CSMD1: variants seen among roughly 807,000 people sequenced by gnomAD.
The protein encoded by CSMD1 is CUB and sushi domain-containing protein 1.
In CSMD1, 213 loss-of-function variants were observed where a neutral mutation model predicts 417.5. The observed-to-expected ratio is 0.51, with a 90% CI of 0.46 to 0.57. The LOEUF (loss-of-function observed/expected upper bound fraction) is 0.57, where lower values mean the gene tolerates loss of function less well. Among genes scored for constraint, CSMD1 ranks in the 20% least tolerant of loss-of-function variants. The probability of loss-of-function intolerance (pLI) is 0.00; values close to 1 mark genes in which losing one functional copy is unlikely to be tolerated. For missense variants in CSMD1, 6,923 were observed against 4,529.7 expected, an observed-to-expected ratio of 1.53 and a Z score of -15.17; for synonymous variants, 2,862 against 1,736.8, an observed-to-expected ratio of 1.65 and a Z score of -16.11.
At chr8:3,276,385 A>G (rs1480723211) in intron 26 of CSMD1, among the ~76,000 whole-genome samples, 1 of 152,188 alleles carries the variant, frequency 6.6e-6, no homozygotes, top group East Asian at 1.9e-4. Context: ...GGAGCTGTAG[A>G]CCGGAGCTGT....
chr8:4,750,604 G>T (rs1029439719), intron 1 of CSMD1, among the ~76,000 whole-genome samples: 1 of 152,016 alleles, frequency 6.6e-6, no homozygotes. Context: ...TCGTGATCCA[G>T]CAATGAGACT....
At chr8:4,630,611 T>G (rs979716708) in intron 2 of CSMD1, among the ~76,000 whole-genome samples, 6 of 152,192 alleles carry the variant, frequency 3.9e-5, no homozygotes, top group Non-Finnish European at 8.8e-5. Flanking sequence ...TACATTTTAT[T>G]TCATCATCCT....
intron 12 of CSMD1, among the ~76,000 whole-genome samples, chr8:3,468,105 T>C (rs991856453): frequency 6.6e-6 from 1 of 152,144 alleles, no homozygotes; most frequent in Non-Finnish European, 1.5e-5. Context: ...CAATCAGAAA[T>C]ACTGAAATAA....
At chr8:4,837,889 A>T (rs74920948) in intron 1 of CSMD1, among the ~76,000 whole-genome samples, 8,419 of 152,070 alleles carry the variant, frequency 0.055, 266 homozygotes, top group African/African-American at 0.075. Flanking sequence ...ACCTAACGTG[A>T]ACCCCAAAAT....
intron 40 of CSMD1, among the ~76,000 whole-genome samples, chr8:3,143,944 T>C (rs1035692498): frequency 9.9e-5 from 15 of 151,984 alleles, no homozygotes; most frequent in East Asian, 1.9e-4. Flanking sequence ...AAGTGAAAAA[T>C]TGTAGGGAGG....
intron 7 of CSMD1, among the ~76,000 whole-genome samples, chr8:3,649,503 T>C (rs12548605): frequency 0.14 from 21,506 of 152,138 alleles, 1,682 homozygotes; most frequent in Middle Eastern, 0.2. Flanking sequence ...TTTACAATCA[T>C]GGTGGAAAGC....
intron 5 of CSMD1, among the ~76,000 whole-genome samples, chr8:3,898,136 C>G (rs1235246235): frequency 6.6e-6 from 1 of 152,138 alleles, no homozygotes; most frequent in Non-Finnish European, 1.5e-5. Flanking sequence ...TTTCTACCAG[C>G]TGAGTCAAAG....
intron 1 of CSMD1, among the ~76,000 whole-genome samples, chr8:4,819,163 T>A (rs1799377236): frequency 6.6e-6 from 1 of 152,146 alleles, no homozygotes; most frequent in African/African-American, 2.4e-5. Flanking sequence ...CTGGTGTCCT[T>A]CCACTCTCAA....
At chr8:3,090,271 C>G (rs1387925279) in intron 48 of CSMD1, among the ~76,000 whole-genome samples, 1 of 141,204 alleles carries the variant, frequency 7.1e-6, no homozygotes, top group East Asian at 2.2e-4. Flanking sequence ...GAGCCGAGAT[C>G]GCACCACTGC....
intron 1 of CSMD1, among the ~76,000 whole-genome samples, chr8:4,656,079 G>C (rs574583946): frequency 3.3e-5 from 5 of 152,066 alleles, no homozygotes; most frequent in Non-Finnish European, 7.3e-5. Flanking sequence ...CACAGTAATG[G>C]GAAAGACAAT....
chr8:3,124,208 T>C (rs544275502), intron 41 of CSMD1, among the ~76,000 whole-genome samples: 1 of 152,168 alleles, frequency 6.6e-6, no homozygotes, highest in Non-Finnish European at 1.5e-5. Context: ...ATTTATTGAG[T>C]GAAATAAAGA....
chr8:2,989,044 T>C (rs916252205), intron 54 of CSMD1, among the ~76,000 whole-genome samples: 2 of 152,146 alleles, frequency 1.3e-5, no homozygotes, highest in South Asian at 2.1e-4. Flanking sequence ...TCTTAGGAAG[T>C]AGTTAGGAAA....
Position 3,348,007 on chromosome 8 carries a change from T to C in CSMD1, c.3459A>G (p.Glu1153=). 1 of 1,598,682 alleles carries C rather than the reference T, an allele frequency of 6.3e-7. No homozygotes were observed. Among genetic ancestry groups the C allele is most frequent in the Non-Finnish European group, 8.5e-7 (1 of 1,172,590 alleles). ...TTCTTTTTACCTTTAGAGTATCTCCTTCAAACAGCTGGAAGCTTCGTGTTC... is the reference window on the plus strand; with the variant it reads ...TTCTTTTTACCTTTAGAGTATCTCCCTCAAACAGCTGGAAGCTTCGTGTTC... The part of the protein sequence containing the change: ...HLRTRSFQLF[E]GDTLKVYDGK... The change falls in exon 22 of 70, where the codon GAA becomes GAG. Residue 1153 remains glutamate (E), a synonymous_variant. Transcript: ENST00000635120.
At chr8:2,993,723 C>T (rs1407131904) in intron 54 of CSMD1, among the ~76,000 whole-genome samples, 4 of 152,070 alleles carry the variant, frequency 2.6e-5, no homozygotes, top group Non-Finnish European at 5.9e-5. Context: ...AAAAGACGAG[C>T]GTGGCTAAAG....
intron 8 of CSMD1, among the ~76,000 whole-genome samples, chr8:3,588,439 G>T (rs1031143002): frequency 6.6e-5 from 10 of 152,052 alleles, no homozygotes; most frequent in African/African-American, 2.4e-4. Context: ...TTAACCTGAG[G>T]CACTGATATT....
At chr8:3,387,345 G>A (rs894106402) in intron 18 of CSMD1, 149 bp downstream of exon 18, 2 of 598,542 alleles carry the variant, frequency 3.3e-6, no homozygotes, top group African/African-American at 1.9e-5. Context: ...GATCGGGAAT[G>A]ATACGATGAT....
chr8:3,290,131 A>G (rs1803440791), intron 25 of CSMD1, among the ~76,000 whole-genome samples: 1 of 146,614 alleles, frequency 6.8e-6, no homozygotes, highest in Non-Finnish European at 1.5e-5. Flanking sequence ...AAGATCAGAT[A>G]GTTGTAGATA....
At chr8:3,183,432 G>A (rs533147501) in intron 36 of CSMD1, among the ~76,000 whole-genome samples, 3 of 138,718 alleles carry the variant, frequency 2.2e-5, no homozygotes, top group African/African-American at 8.2e-5. Flanking sequence ...ACATCGAGTA[G>A]GTCTCTAACG....
intron 41 of CSMD1, among the ~76,000 whole-genome samples, chr8:3,139,701 G>A (rs894626375): frequency 2.0e-5 from 3 of 152,076 alleles, no homozygotes; most frequent in East Asian, 3.9e-4. Flanking sequence ...AGATATGTAC[G>A]TGTGTATGTG....
Sources: allele counts gnomAD v4.1 joint callset (sites outside exome capture counted in the v4.1 genomes callset), GRCh38; gene constraint gnomAD v4.1.1; transcripts MANE v1.5; gene names NCBI Gene and HGNC (gene_info 2026-07-23, HGNC 2026-07-21).